ASIC1: variants seen among roughly 807,000 people sequenced by gnomAD.
ASIC1 encodes the protein acid sensing ion channel subunit 1.
ASIC1 carries 21 observed loss-of-function variants against 63.4 expected under a neutral mutation model. That is an observed-to-expected ratio of 0.33 (90% CI 0.23 to 0.48). The LOEUF is 0.48. ASIC1 is among the 20% of genes least tolerant of loss of function. The pLI is 0.99. For missense variants in ASIC1, 478 were observed against 695.5 expected (o/e 0.69, Z 3.52); for synonymous variants, 258 against 278.2 (o/e 0.93, Z 0.72).
In ASIC1 at chr12:50,074,019, G is replaced by T; in HGVS notation, c.559-3194G>T. On this transcript the variant is annotated intron_variant, in intron 3 of 11. Transcript: ENST00000447966. The surrounding 1 kb of genome is among the most constrained non-coding windows in gnomAD (Gnocchi z 4.2). The stretch of plus-strand genomic sequence containing the variant: ...CCCTCTGCAACACTAATGCTGTGCG[G>T]CTGTCCCAGCTCAGCTACCCTGACT... 6.5e-7 allele frequency: 1 copy of T among 1,534,812 alleles called. No homozygotes were observed. The highest frequency in any genetic ancestry group is 8.7e-7 in the Non-Finnish European group (1 of 1,145,952).
chr12:50,073,503 G>A, intron 3 of ASIC1: 1 of 1,439,892 alleles, frequency 6.9e-7, no homozygotes, highest in Non-Finnish European at 9.1e-7. Flanking sequence ...GCCGGACTCT[G>A]CCTGGAGTCA....
intron 3 of ASIC1, among the ~76,000 whole-genome samples, chr12:50,069,492 C>G (rs1565727942): frequency 6.6e-6 from 1 of 152,094 alleles, no homozygotes; most frequent in Non-Finnish European, 1.5e-5. Context: ...AGGGGTTTCA[C>G]CATGGTGGCC....
intron 3 of ASIC1, among the ~76,000 whole-genome samples, chr12:50,067,242 T>G (rs954431995): frequency 7.5e-4 from 115 of 152,342 alleles, no homozygotes; most frequent in African/African-American, 2.7e-3. Flanking sequence ...ACTCACTTTC[T>G]GATCCACTCC....
chr12:50,074,680 G>C lies in ASIC1; in HGVS notation c.559-2533G>C, dbSNP rs1355944597. Among the ~76,000 whole-genome samples the C allele has an allele frequency of 1.3e-5, 2 of 152,098 alleles. No individual in the cohort carries two copies. The highest frequency in any genetic ancestry group is 2.9e-5 in the Non-Finnish European group (2 of 68,014). ...CACCCATGGACTGAAGCTGGGGTGG[G>C]TGCTGCCTGGTCTCTGGTGGTACAA... On this transcript the variant is annotated intron_variant, in intron 3 of 11. Transcript: ENST00000447966. This position sits in a 1 kb window ranked among gnomAD's most constrained non-coding sequence, Gnocchi z 4.2.
At chr12:50,070,029 G>A (rs1176955494) in intron 3 of ASIC1, among the ~76,000 whole-genome samples, 1 of 152,140 alleles carries the variant, frequency 6.6e-6, no homozygotes, top group African/African-American at 2.4e-5. Flanking sequence ...GATAACAATT[G>A]AAAACCATGA....
intron 4 of ASIC1, 67 bp from the exon 5 acceptor site, chr12:50,077,933 C>G: frequency 1.3e-6 from 2 of 1,542,308 alleles, no homozygotes; most frequent in Non-Finnish European, 1.7e-6. Flanking sequence ...AGGTAGGATG[C>G]CCCCAGGTCT....
rs764087404 is a variant in ASIC1, at chr12:50,059,346, G to A, written c.362+218G>A. On this transcript the variant is annotated intron_variant, in intron 2 of 11. Coordinates refer to ENST00000447966, the MANE Select transcript of ASIC1 (RefSeq NM_001095.4). The surrounding 1 kb of genome is among the most constrained non-coding windows in gnomAD (Gnocchi z 4.6). Reference sequence around the variant, plus strand: ...ATCCCAGCATAGTCCAGAACAGCTCGACCCCCACCCAGCCTGAGGTATGAG... The same window carrying A: ...ATCCCAGCATAGTCCAGAACAGCTCAACCCCCACCCAGCCTGAGGTATGAG... Among the ~76,000 whole-genome samples, 19 of 152,026 alleles carry A rather than the reference G, an allele frequency of 1.2e-4. No homozygotes were observed. Among genetic ancestry groups the A allele is most frequent in the Non-Finnish European group, 1.9e-4 (13 of 68,006 alleles).
intron 3 of ASIC1, chr12:50,073,686 G>A (rs2137834143): frequency 6.5e-7 from 1 of 1,536,502 alleles, no homozygotes; most frequent in Non-Finnish European, 8.7e-7. Flanking sequence ...AGCAGCAGCA[G>A]GACATCTCAG....
At chr12:50,071,258 G>T (rs1592272742) in intron 3 of ASIC1, among the ~76,000 whole-genome samples, 1 of 144,936 alleles carries the variant, frequency 6.9e-6, no homozygotes, top group Non-Finnish European at 1.5e-5. Context: ...AGGGTACATT[G>T]CTTTCAGCTT....
At chr12:50,077,734 C>G (rs1950671251) in intron 4 of ASIC1, among the ~76,000 whole-genome samples, 2 of 152,162 alleles carry the variant, frequency 1.3e-5, no homozygotes, top group African/African-American at 4.8e-5. Context: ...AACAGTGACA[C>G]TCTGGGAGAA....
At chr12:50,079,130 G>T in intron 7 of ASIC1, 150 bp downstream of exon 7, 1 of 779,140 alleles carries the variant, frequency 1.3e-6, no homozygotes, top group Non-Finnish European at 2.0e-6. Context: ...AGCTGAGAAT[G>T]GTCAGTCATG....
chr12:50,080,407 A>G, intron 8 of ASIC1, 91 bp from the exon 9 acceptor site: 2 of 1,240,870 alleles, frequency 1.6e-6, no homozygotes, highest in Admixed American at 2.0e-5. Flanking sequence ...GGAAACTGAG[A>G]TTCAGAGAGG....
chr12:50,060,502 A>G (rs1407619355), intron 3 of ASIC1, among the ~76,000 whole-genome samples: 2 of 152,232 alleles, frequency 1.3e-5, no homozygotes, highest in African/African-American at 2.4e-5. Context: ...ATAGCCAGAC[A>G]GTAACTCCCT....
In ASIC1 at chr12:50,073,507, G is replaced by A. The variant is rs575138705; in HGVS notation, c.559-3706G>A. ...TGGCTGGCTCTGCCGGACTCTGCCT[G>A]GAGTCACATCGCCTTCCCCTCTGGC... On this transcript the variant is annotated intron_variant, in intron 3 of 11. Transcript: ENST00000447966. The A allele has an allele frequency of 6.2e-6, 9 of 1,440,126 alleles. No homozygotes were observed. The East Asian group carries it at 2.2e-4, about 36-fold the overall frequency. 89.2% of individuals were successfully genotyped at this position (1,440,126 alleles called of 1,614,324 possible).
At chr12:50,080,948 A>G (rs1950709001) in intron 9 of ASIC1, among the ~76,000 whole-genome samples, 154 bp from the exon 10 acceptor site, 1 of 152,220 alleles carries the variant, frequency 6.6e-6, no homozygotes, top group Non-Finnish European at 1.5e-5. Context: ...TAGAGAAGAA[A>G]ACAAAAATTC....
intron 3 of ASIC1, among the ~76,000 whole-genome samples, chr12:50,065,480 G>T (rs941581661): frequency 6.6e-6 from 1 of 152,212 alleles, no homozygotes; most frequent in African/African-American, 2.4e-5. Context: ...CTTCCTCTGG[G>T]ACTCTTTGGC....
At chr12:50,080,994 G>A in intron 9 of ASIC1, 108 bp from the exon 10 acceptor site, 1 of 1,054,128 alleles carries the variant, frequency 9.5e-7, no homozygotes, top group South Asian at 1.5e-5. Flanking sequence ...TCTGTGCGAA[G>A]GCTACCAATC....
Position 50,081,613 on chromosome 12 carries a change from T to C in ASIC1, c.1551T>C (p.His517=). ...ACGCTGCCAACATCCTACCTCACCA[T>C]CCGGCCCGAGGCACGTTCGAGGACT... ...MTYAANILPH[H]PARGTFEDFT... is the part of the protein sequence containing the mutation. Residue 517 remains histidine, a synonymous_variant, in exon 12 of 12, where the codon CAT becomes CAC. Transcript: ENST00000447966. 1 of 1,614,032 alleles carries C rather than the reference T, an allele frequency of 6.2e-7. No individual in the cohort carries two copies. Among genetic ancestry groups the C allele is most frequent in the Non-Finnish European group, 8.5e-7 (1 of 1,180,016 alleles).
At chr12:50,072,990 C>T (rs183331533) in intron 3 of ASIC1, among the ~76,000 whole-genome samples, 1 of 152,060 alleles carries the variant, frequency 6.6e-6, no homozygotes, top group African/African-American at 2.4e-5. Flanking sequence ...CTCAGGTATC[C>T]CAGAGGAATA....
Sources: gnomAD v4.1 joint callset for allele counts (sites outside exome capture counted in the v4.1 genomes callset) on GRCh38, gnomAD v4.1.1 for gene constraint, Gnocchi (gnomAD v3.1) non-coding constraint, MANE v1.5 for transcripts, NCBI Gene and HGNC (gene_info 2026-07-23, HGNC 2026-07-21) for gene names.